NOL4: variants seen among roughly 807,000 people sequenced by gnomAD.
The protein encoded by NOL4 is nucleolar protein 4.
A neutral mutation model predicts 75.9 loss-of-function variants in NOL4; 17 were observed. That is an observed-to-expected ratio of 0.22 (90% CI 0.15 to 0.34). The LOEUF (loss-of-function observed/expected upper bound fraction) is 0.34. Among genes scored for constraint, NOL4 ranks in the 10% least tolerant of loss-of-function variants. The probability of loss-of-function intolerance (pLI) is 1.00; values close to 1 mark genes in which losing one functional copy is unlikely to be tolerated. For synonymous variants in NOL4, 292 were observed against 289.9 expected (o/e 1.01, Z -0.07); for missense variants, 614 against 793.5 (o/e 0.77, Z 2.72).
chr18:33,981,930 G>A (rs1284455135), intron 6 of NOL4, among the ~76,000 whole-genome samples: 3 of 151,974 alleles, frequency 2.0e-5, no homozygotes, highest in African/African-American at 4.8e-5. Context: ...GGAGTATTTC[G>A]TTATAGGGTA....
chr18:33,960,641 C>T (rs919621518), intron 6 of NOL4, among the ~76,000 whole-genome samples: 5 of 152,044 alleles, frequency 3.3e-5, no homozygotes, highest in Non-Finnish European at 7.4e-5. Context: ...ATGCATCAGG[C>T]ACTATTCTAA....
chr18:34,119,138 A>T (rs1475656038), intron 2 of NOL4, among the ~76,000 whole-genome samples: 1 of 152,224 alleles, frequency 6.6e-6, no homozygotes, highest in Non-Finnish European at 1.5e-5. Flanking sequence ...AGCAACAATC[A>T]GTTAGACAAA....
intron 10 of NOL4, among the ~76,000 whole-genome samples, chr18:33,877,816 T>C (rs2064017833): frequency 7.0e-6 from 1 of 142,732 alleles, no homozygotes; most frequent in South Asian, 2.2e-4. Context: ...TAGGTACCAA[T>C]GTTGTGTGAT....
chr18:34,154,946 G>C (rs2030085960), intron 1 of NOL4, among the ~76,000 whole-genome samples: 1 of 151,862 alleles, frequency 6.6e-6, no homozygotes, highest in African/African-American at 2.4e-5. Flanking sequence ...GCCCTCTTTT[G>C]TTGAATATCT....
intron 1 of NOL4, among the ~76,000 whole-genome samples, chr18:34,198,756 A>G (rs1008490114): frequency 2.0e-5 from 3 of 151,810 alleles, no homozygotes; most frequent in Non-Finnish European, 4.4e-5. Flanking sequence ...ACAAGAATTG[A>G]ATGAAAATAT....
intron 1 of NOL4, among the ~76,000 whole-genome samples, chr18:34,149,205 T>C (rs1471233157): frequency 6.6e-6 from 1 of 151,580 alleles, no homozygotes; most frequent in African/African-American, 2.4e-5. Context: ...GGTTGAGACA[T>C]GCTAATATTC....
intron 1 of NOL4, among the ~76,000 whole-genome samples, chr18:34,143,303 G>T (rs546946274): frequency 1.3e-5 from 2 of 152,168 alleles, no homozygotes; most frequent in African/African-American, 2.4e-5. Context: ...TGATATAAAA[G>T]ATGTGTAACA....
intron 9 of NOL4, among the ~76,000 whole-genome samples, chr18:33,904,555 A>C (rs1313753698): frequency 6.6e-6 from 1 of 152,124 alleles, no homozygotes; most frequent in Non-Finnish European, 1.5e-5. Context: ...CTTTGTGGCA[A>C]TAAGATACCA....
At chr18:33,989,319 T>A (rs553745365) in intron 6 of NOL4, among the ~76,000 whole-genome samples, 1 of 151,758 alleles carries the variant, frequency 6.6e-6, no homozygotes, top group Admixed American at 6.6e-5. Flanking sequence ...GTAAGTTGAA[T>A]GGTGGCATTT....
chr18:34,204,109 C>A (rs1447379526), intron 1 of NOL4, among the ~76,000 whole-genome samples: 1 of 152,032 alleles, frequency 6.6e-6, no homozygotes, highest in Non-Finnish European at 1.5e-5. Context: ...TGGTGCTCAA[C>A]AAACTTTAGT....
intron 10 of NOL4, among the ~76,000 whole-genome samples, chr18:33,874,377 C>A (rs78588945): frequency 1.3e-5 from 2 of 152,056 alleles, no homozygotes; most frequent in East Asian, 3.9e-4. Flanking sequence ...AAACATTCTT[C>A]TTCTTCCAAT....
chr18:33,875,860 T>C (rs1024245199), intron 10 of NOL4, among the ~76,000 whole-genome samples: 3 of 152,034 alleles, frequency 2.0e-5, no homozygotes, highest in African/African-American at 7.2e-5. Context: ...GGAATGCATA[T>C]GTATAATGGG....
intron 6 of NOL4, among the ~76,000 whole-genome samples, chr18:33,983,601 CACACATATATGCACACATAT>C (rs568309480): frequency 1.3e-5 from 2 of 151,844 alleles, no homozygotes; most frequent in African/African-American, 2.4e-5. Context: ...GAGGTGCATA[CACACATATATGCACACATAT>C]ACACATATAT....
At chr18:33,972,677 C>T (rs1008844858) in intron 6 of NOL4, among the ~76,000 whole-genome samples, 1 of 152,132 alleles carries the variant, frequency 6.6e-6, no homozygotes, top group Admixed American at 6.5e-5. Flanking sequence ...AAAGTGAATA[C>T]CATAATAAAG....
intron 10 of NOL4, among the ~76,000 whole-genome samples, chr18:33,867,548 C>A (rs2063492297): frequency 6.6e-6 from 1 of 151,920 alleles, no homozygotes; most frequent in Non-Finnish European, 1.5e-5. Context: ...TTCCTCAGGG[C>A]ATTTTGGAGG....
At chr18:33,964,221 T>C (rs536326159) in intron 6 of NOL4, among the ~76,000 whole-genome samples, 2 of 152,236 alleles carry the variant, frequency 1.3e-5, no homozygotes, top group East Asian at 3.9e-4. Context: ...TCTGAGTGAG[T>C]GACTGATTAC....
At chr18:33,973,917 T>C (rs913696786) in intron 6 of NOL4, among the ~76,000 whole-genome samples, 7 of 152,168 alleles carry the variant, frequency 4.6e-5, no homozygotes, top group African/African-American at 1.2e-4. Flanking sequence ...TAAATGAGCA[T>C]TGGGTTCCAC....
intron 10 of NOL4, among the ~76,000 whole-genome samples, chr18:33,860,326 A>G (rs1294528299): frequency 6.6e-6 from 1 of 151,998 alleles, no homozygotes. Flanking sequence ...ACATTTCAAA[A>G]CCAATCATGC....
At chr18:34,189,011 T>A (rs2034710992) in intron 1 of NOL4, among the ~76,000 whole-genome samples, 1 of 152,164 alleles carries the variant, frequency 6.6e-6, no homozygotes, top group Non-Finnish European at 1.5e-5. Flanking sequence ...GAACCTTGAA[T>A]AATGGCAATG....
Sources: gnomAD v4.1 joint callset for allele counts (sites outside exome capture counted in the v4.1 genomes callset) on GRCh38, gnomAD v4.1.1 for gene constraint, MANE v1.5 for transcripts, NCBI Gene and HGNC (gene_info 2026-07-23, HGNC 2026-07-21) for gene names.